MDH1B: variants seen among roughly 807,000 people sequenced by gnomAD.
MDH1B encodes malate dehydrogenase 1B, also known as putative malate dehydrogenase 1B.
A neutral mutation model predicts 61.4 loss-of-function variants in MDH1B; 60 were observed. The observed-to-expected ratio is 0.98, with a 90% CI of 0.79 to 1.21. The LOEUF (loss-of-function observed/expected upper bound fraction) is 1.21. Among genes scored for constraint, MDH1B ranks in the 50% most tolerant of loss-of-function variants. The pLI, the probability that MDH1B is intolerant of heterozygous loss-of-function variation, is 0.00. For missense variants in MDH1B, 587 were observed against 632.1 expected, an observed-to-expected ratio of 0.93 and a Z score of 0.76; for synonymous variants, 236 against 218.7, an observed-to-expected ratio of 1.08 and a Z score of -0.70.
At chr2:206,750,061 T>C (rs1252721191) in intron 6 of MDH1B, among the ~76,000 whole-genome samples, 3 of 152,074 alleles carry the variant, frequency 2.0e-5, no homozygotes, top group African/African-American at 7.2e-5. Context: ...TGCTTCAAAA[T>C]AGTGAACTCG....
chr2:206,742,966 C>G (rs142144610), intron 9 of MDH1B, among the ~76,000 whole-genome samples: 1 of 152,104 alleles, frequency 6.6e-6, no homozygotes. Flanking sequence ...CTGCCCACCT[C>G]GGCCTCCCAA....
At chr2:206,746,448 C>T (rs1316871162) in intron 7 of MDH1B, 22 bp from the exon 8 acceptor site, 1 of 1,594,500 alleles carries the variant, frequency 6.3e-7, no homozygotes. Flanking sequence ...AAACACAAAG[C>T]AAAGCAATGC....
chr2:206,739,793 A>C lies in MDH1B; in HGVS notation c.1460-132T>G. On this transcript the variant is annotated intron_variant, in intron 10 of 11. Coordinates refer to ENST00000374412, the MANE Select transcript of MDH1B (RefSeq NM_001039845.3). Reference sequence around the variant, plus strand: ...AATGCATTGCTCTCCTAGGAGTTACAAGATGCTAGACCACTGTTATATAAA... The same window carrying C: ...AATGCATTGCTCTCCTAGGAGTTACCAGATGCTAGACCACTGTTATATAAA... 4.1e-6 allele frequency: 3 copies of C among 738,416 alleles called. No homozygotes were observed. The South Asian group carries it at 5.1e-5, about 12-fold the overall frequency. The allele number at this position is 738,416 out of a possible 1,614,324, so 45.7% of individuals were successfully genotyped here.
At chr2:206,756,303 G>A (rs2105944847) in intron 4 of MDH1B, among the ~76,000 whole-genome samples, 1 of 152,142 alleles carries the variant, frequency 6.6e-6, no homozygotes, top group Non-Finnish European at 1.5e-5. Context: ...TTAAAAATGA[G>A]TATATATTAG....
intron 9 of MDH1B, 97 bp downstream of exon 9, chr2:206,745,525 A>C: frequency 1.1e-6 from 1 of 915,562 alleles, no homozygotes; most frequent in South Asian, 1.5e-5. Context: ...ACAAAATATA[A>C]ATGAGAGTTA....
chr2:206,744,843 C>T (rs1473725280), intron 9 of MDH1B, among the ~76,000 whole-genome samples: 1 of 151,890 alleles, frequency 6.6e-6, no homozygotes, highest in African/African-American at 2.4e-5. Flanking sequence ...GAGAATCGCT[C>T]GTACCTGGGA....
At chr2:206,758,842 T>C (rs1047866226) in intron 2 of MDH1B, among the ~76,000 whole-genome samples, 1 of 151,778 alleles carries the variant, frequency 6.6e-6, no homozygotes, top group Non-Finnish European at 1.5e-5. Flanking sequence ...TTCAACCATG[T>C]TCTCTGGAAG....
At chr2:206,751,432 A>C (rs1297201743) in intron 5 of MDH1B, among the ~76,000 whole-genome samples, 1 of 152,186 alleles carries the variant, frequency 6.6e-6, no homozygotes, top group African/African-American at 2.4e-5. Context: ...GTGAGAGGTC[A>C]AGAGAGGTGA....
intron 4 of MDH1B, 94 bp downstream of exon 4, chr2:206,756,804 C>T: frequency 7.3e-7 from 1 of 1,375,370 alleles, no homozygotes. Context: ...ACCTGACATT[C>T]AGGTATTCTT....
chr2:206,742,941 T>C (rs1463082267), intron 9 of MDH1B, among the ~76,000 whole-genome samples: 1 of 152,054 alleles, frequency 6.6e-6, no homozygotes, highest in Admixed American at 6.5e-5. Context: ...GGTCTCGATC[T>C]CCTGACTTTG....
chr2:206,743,175 A>C (rs1347532563), intron 9 of MDH1B, among the ~76,000 whole-genome samples: 2 of 152,146 alleles, frequency 1.3e-5, no homozygotes, highest in Non-Finnish European at 2.9e-5. Flanking sequence ...GCAGCTCAGG[A>C]AGCTTTCTAC....
intron 10 of MDH1B, 119 bp downstream of exon 10, chr2:206,740,934 AG>A (rs1687772330): frequency 7.4e-7 from 1 of 1,348,476 alleles, no homozygotes; most frequent in South Asian, 1.4e-5. Context: ...GCATATGAAA[AG>A]AAGCAGTTAT....
rs545637501 is a variant in MDH1B at position 206,757,348 on chromosome 2, T to C, written c.159A>G (p.Glu53=). ...VWEDWLKDVC[E]KNKWSHKNSP... ...AATTCTTGTGACTCCACTTATTCTT[T>C]TCACACACATCTTTTAGCCAATCCT... The change falls in exon 3 of 12, where the codon GAA becomes GAG. Residue 53 remains glutamate (E), a synonymous_variant. Transcript: ENST00000374412. 633 of 1,613,764 alleles carry C rather than the reference T, an allele frequency of 3.9e-4. 6 individuals are homozygous for C. In the South Asian group the frequency reaches 6.6e-3, roughly 17 times the overall value.
At chr2:206,761,220 T>G (rs973352670) in intron 1 of MDH1B, among the ~76,000 whole-genome samples, 2 of 152,194 alleles carry the variant, frequency 1.3e-5, no homozygotes, top group Non-Finnish European at 2.9e-5. Flanking sequence ...GTCAGAATCT[T>G]AAGTAACAAA....
In MDH1B at chr2:206,750,916, C is replaced by G; in HGVS notation, c.1052+18G>C. ...ATTTTAACATTGTCAGTATGCTTCA[C>G]TTCAAAATATACTGTACCTGTCAAA... On this transcript the variant is annotated intron_variant, in intron 6 of 11. Transcript: ENST00000374412. 3 of 1,563,280 alleles carry G rather than the reference C, an allele frequency of 1.9e-6. No individual in the cohort carries two copies. The highest frequency in any genetic ancestry group is 2.6e-6 in the Non-Finnish European group (3 of 1,155,190).
At position 206,756,965 on chromosome 2, in the gene MDH1B, T is replaced by C. The variant is rs1372842676; in HGVS notation, c.346A>G (p.Ile116Val). Residue 116 changes from isoleucine to valine, a missense_variant, in exon 4 of 12, where the codon ATA (isoleucine) becomes GTA (valine). Transcript: ENST00000374412. ...GCTTCTTCCTCCTGCTCTTTTTCTATATGTGCCCCCAGGTTCTCTTGAGCA... is the reference window on the plus strand; with the variant it reads ...GCTTCTTCCTCCTGCTCTTTTTCTACATGTGCCCCCAGGTTCTCTTGAGCA... ...VIAQENLGAH[I>V]EKEQEEEALK... 4 of 1,614,154 alleles carry C rather than the reference T, an allele frequency of 2.5e-6. No homozygotes were observed. Among genetic ancestry groups the C allele is most frequent in the Non-Finnish European group, 3.4e-6 (4 of 1,180,006 alleles).
At chr2:206,761,234 T>C (rs1348552167) in intron 1 of MDH1B, among the ~76,000 whole-genome samples, 1 of 152,124 alleles carries the variant, frequency 6.6e-6, no homozygotes, top group Non-Finnish European at 1.5e-5. Flanking sequence ...TAACAAAATG[T>C]GGAAAGAAAA....
intron 2 of MDH1B, 87 bp downstream of exon 2, chr2:206,760,814 G>A: frequency 1.4e-6 from 1 of 718,956 alleles, no homozygotes; most frequent in Non-Finnish European, 2.5e-6. Flanking sequence ...ATTCCTAGAA[G>A]CCAGTCTAAT....
At chr2:206,740,457 G>A (rs1687744138) in intron 10 of MDH1B, among the ~76,000 whole-genome samples, 2 of 152,112 alleles carry the variant, frequency 1.3e-5, no homozygotes, top group Admixed American at 1.3e-4. Context: ...GGAGGAGCAG[G>A]AGGAAGAGGA....
Sources: allele counts gnomAD v4.1 joint callset (sites outside exome capture counted in the v4.1 genomes callset), GRCh38; gene constraint gnomAD v4.1.1; transcripts MANE v1.5; gene names NCBI Gene and HGNC (gene_info 2026-07-23, HGNC 2026-07-21).